Variants in PRKCE observed in about 807,000 individuals in gnomAD.
PRKCE encodes protein kinase C epsilon type.
Under a neutral mutation model 85.4 loss-of-function variants are expected in PRKCE, and 16 were observed. That is an observed-to-expected ratio of 0.19 (90% confidence interval 0.13 to 0.28). The LOEUF is 0.28. Ranked by LOEUF, PRKCE falls within the 10% of genes least tolerant of loss-of-function variation. PRKCE has a pLI of 1.00. For missense variants in PRKCE, 573 were observed against 975.2 expected, an observed-to-expected ratio of 0.59 and a Z score of 5.49; for synonymous variants, 388 against 371.5, an observed-to-expected ratio of 1.04 and a Z score of -0.51.
intron 2 of PRKCE, among the ~76,000 whole-genome samples, chr2:45,975,620 G>A (rs1384443331): frequency 6.6e-6 from 1 of 152,116 alleles, no homozygotes; most frequent in Admixed American, 6.5e-5. Context: ...TAATTTTGAG[G>A]GGGCAAAAAT....
rs940529954 is a variant in PRKCE, at chr2:45,805,751, C to T, written c.349-37249C>T. On this transcript the variant is annotated intron_variant, in intron 1 of 14. Coordinates refer to ENST00000306156, the MANE Select transcript of PRKCE (RefSeq NM_005400.3). ...AGCTGGGATTACAGGCACCTGCCAC[C>T]GTGCCCGGCCAATTCTTTTGTATTT... Among the ~76,000 whole-genome samples the T allele has an allele frequency of 5.9e-5, 9 of 152,108 alleles. No individual in the cohort carries two copies. The East Asian group carries it at 7.7e-4, about 13-fold the overall frequency.
At chr2:45,979,548 A>G (rs1702718199) in intron 4 of PRKCE, among the ~76,000 whole-genome samples, 1 of 152,286 alleles carries the variant, frequency 6.6e-6, no homozygotes, top group East Asian at 1.9e-4. Context: ...ATTGACTACA[A>G]ATGCAAGTTT....
intron 1 of PRKCE, among the ~76,000 whole-genome samples, chr2:45,839,133 A>T (rs1223369340): frequency 2.0e-5 from 3 of 151,508 alleles, no homozygotes; most frequent in African/African-American, 7.3e-5. Context: ...GTTAAAAAAA[A>T]AATTTTTTTT....
intron 2 of PRKCE, among the ~76,000 whole-genome samples, chr2:45,885,222 T>C (rs577278789): frequency 1.3e-5 from 2 of 152,190 alleles, no homozygotes; most frequent in South Asian, 2.1e-4. Flanking sequence ...GAAAGAATTA[T>C]GTTGTTAATA....
intron 1 of PRKCE, among the ~76,000 whole-genome samples, chr2:45,657,740 C>A (rs1478937087): frequency 6.6e-6 from 1 of 152,210 alleles, no homozygotes; most frequent in Non-Finnish European, 1.5e-5. Context: ...AATGATGGCA[C>A]CCCTGCTGAC....
At chr2:45,845,061 C>CTT (rs531961588) in intron 2 of PRKCE, among the ~76,000 whole-genome samples, 4,987 of 137,320 alleles carry the variant, frequency 0.036, 197 homozygotes, top group East Asian at 0.14. Flanking sequence ...CATTTTTCTA[C>CTT]TTTTTTTTTT....
In PRKCE at chr2:46,007,729, T is replaced by C. The variant is rs1182636186; in HGVS notation, c.1263+68T>C. ...CCTTAGCATTGTTTCGTCTGTTTGA[T>C]CTAAGATTGAGAGAGGAACCTTTCA... On this transcript the variant is annotated intron_variant, in intron 9 of 14. Transcript: ENST00000306156. The C allele has an allele frequency of 2.0e-6, 3 of 1,503,216 alleles. No individual in the cohort carries two copies. In the Admixed American group the frequency reaches 5.8e-5, roughly 29 times the overall value. 93.1% of individuals were successfully genotyped at this position (1,503,216 alleles called of 1,614,324 possible). A position where few individuals can be genotyped will look rare whatever the true frequency, so the allele number is the denominator to read the frequency against.
At chr2:45,676,184 G>A (rs1186310673) in intron 1 of PRKCE, 1 of 152,184 alleles carries the variant, frequency 6.6e-6, no homozygotes, top group African/African-American at 2.4e-5. Context: ...ATTATCAGTG[G>A]TAAGTTTCCC....
chr2:46,007,450 C>T lies in PRKCE; in HGVS notation c.1064-12C>T, dbSNP rs749707081. The T allele has an allele frequency of 1.9e-6, 3 of 1,599,582 alleles. No individual in the cohort carries two copies. Among genetic ancestry groups the T allele is most frequent in the Admixed American group, 3.3e-5 (2 of 60,030 alleles). ...ATGCACTAATGCAATTTCTTGTTCC[C>T]CTTGGCCCTAGAAATAAAAGAACTT... is the stretch of plus-strand genomic sequence containing the variant. On this transcript the variant is annotated splice_polypyrimidine_tract_variant and intron_variant, in intron 8 of 14. Transcript: ENST00000306156.
chr2:45,770,481 G>A (rs1012473451), intron 1 of PRKCE, among the ~76,000 whole-genome samples: 4 of 152,158 alleles, frequency 2.6e-5, no homozygotes, highest in Non-Finnish European at 5.9e-5. Context: ...TTGTGTTTCT[G>A]GAGCTCGCAG....
At chr2:45,918,892 C>T (rs193245011) in intron 2 of PRKCE, among the ~76,000 whole-genome samples, 15 of 152,348 alleles carry the variant, frequency 9.8e-5, no homozygotes, top group Admixed American at 5.9e-4. Flanking sequence ...TGGAGGGTCT[C>T]ACAGCTCCTT....
At chr2:45,855,111 T>C (rs966762911) in intron 2 of PRKCE, among the ~76,000 whole-genome samples, 1 of 151,184 alleles carries the variant, frequency 6.6e-6, no homozygotes, top group African/African-American at 2.5e-5. Context: ...TTTTTTCTGG[T>C]TTTGATGAAC....
At chr2:46,072,414 C>G in intron 10 of PRKCE, among the ~76,000 whole-genome samples, 1 of 152,332 alleles carries the variant, frequency 6.6e-6, no homozygotes, top group African/African-American at 2.4e-5. Context: ...ATGTCAACCA[C>G]GCTTTCTTGC....
intron 11 of PRKCE, among the ~76,000 whole-genome samples, chr2:46,141,283 A>G (rs1558496570): frequency 6.6e-6 from 1 of 152,274 alleles, no homozygotes; most frequent in East Asian, 1.9e-4. Context: ...GCCACAATAA[A>G]GAATCAGAAG....
Position 45,797,399 on chromosome 2 carries a change from A to C in PRKCE, c.349-45601A>C, listed in dbSNP as rs1687525754. Among the ~76,000 whole-genome samples, 4 of 152,230 alleles carry C rather than the reference A, an allele frequency of 2.6e-5. No homozygotes were observed. The South Asian group carries it at 8.3e-4, about 31-fold the overall frequency. ...CCACACACCCTGGTTTGCCCAGAAC[A>C]ATCTCAGTTTACACCTGTGGACCCA... On this transcript the variant is annotated intron_variant, in intron 1 of 14. Transcript: ENST00000306156.
chr2:45,769,681 G>GTT (rs2104899941), intron 1 of PRKCE, among the ~76,000 whole-genome samples: 1 of 152,302 alleles, frequency 6.6e-6, no homozygotes, highest in East Asian at 1.9e-4. Context: ...GTTTTAGCCA[G>GTT]TTTGTCTTTA....
intron 10 of PRKCE, among the ~76,000 whole-genome samples, chr2:46,015,703 A>AC (rs1297704665): frequency 6.6e-6 from 1 of 151,750 alleles, no homozygotes; most frequent in Non-Finnish European, 1.5e-5. Flanking sequence ...AAAAAAAAAA[A>AC]AAAAAAAAAA....
chr2:45,710,960 C>T (rs1679578761), intron 1 of PRKCE, among the ~76,000 whole-genome samples: 1 of 152,172 alleles, frequency 6.6e-6, no homozygotes, highest in Admixed American at 6.5e-5. Context: ...AAAAATCCAG[C>T]CAGGCAAAAA....
At chr2:46,064,767 T>G (rs12994911) in intron 10 of PRKCE, among the ~76,000 whole-genome samples, 3 of 152,142 alleles carry the variant, frequency 2.0e-5, no homozygotes, top group Non-Finnish European at 2.9e-5. Context: ...GAAGTTTTTT[T>G]GGTAATTCTC....
Sources: gnomAD v4.1 joint callset for allele counts (sites outside exome capture counted in the v4.1 genomes callset) on GRCh38, gnomAD v4.1.1 for gene constraint, MANE v1.5 for transcripts, NCBI Gene and HGNC (gene_info 2026-07-23, HGNC 2026-07-21) for gene names.